CADPS2: variants seen among roughly 807,000 people sequenced by gnomAD.
CADPS2 encodes the protein calcium-dependent secretion activator 2.
Under a neutral mutation model 172.5 loss-of-function variants are expected in CADPS2, and 93 were observed. The observed-to-expected ratio is 0.54, with a 90% CI of 0.46 to 0.64. The LOEUF (loss-of-function observed/expected upper bound fraction) is 0.64, where lower values mean the gene tolerates loss of function less well. Ranked by LOEUF, CADPS2 falls within the 30% of genes least tolerant of loss-of-function variation. CADPS2 has a pLI of 0.00. For missense variants in CADPS2, 1,420 were observed against 1,565.9 expected (o/e 0.91, Z 1.57); for synonymous variants, 546 against 555.2 (o/e 0.98, Z 0.23).
chr7:122,657,385 T>C (rs1470736443), intron 3 of CADPS2, among the ~76,000 whole-genome samples: 1 of 152,204 alleles, frequency 6.6e-6, no homozygotes, highest in African/African-American at 2.4e-5. Flanking sequence ...ATTGAATCTA[T>C]AAATTACCTT....
intron 1 of CADPS2, among the ~76,000 whole-genome samples, chr7:122,851,387 A>G (rs1382125952): frequency 6.6e-6 from 1 of 152,150 alleles, no homozygotes; most frequent in Non-Finnish European, 1.5e-5. Flanking sequence ...CACAGAAACC[A>G]TGGCCTCAGA....
At chr7:122,766,370 C>T (rs1053459936) in intron 1 of CADPS2, among the ~76,000 whole-genome samples, 1 of 152,104 alleles carries the variant, frequency 6.6e-6, no homozygotes, top group Non-Finnish European at 1.5e-5. Flanking sequence ...ACCATAGTCA[C>T]ATAAATGCAA....
intron 17 of CADPS2, among the ~76,000 whole-genome samples, chr7:122,430,141 G>A (rs1381640754): frequency 6.6e-6 from 1 of 151,980 alleles, no homozygotes; most frequent in Non-Finnish European, 1.5e-5. Context: ...GTTAAACCTG[G>A]GAACCTGGCA....
intron 2 of CADPS2, among the ~76,000 whole-genome samples, chr7:122,735,654 C>A (rs2092100149): frequency 6.6e-6 from 1 of 152,164 alleles, no homozygotes; most frequent in African/African-American, 2.4e-5. Context: ...CATCCCCCTG[C>A]TGATCCAATT....
chr7:122,844,382 T>A (rs1459194424), intron 1 of CADPS2, among the ~76,000 whole-genome samples: 1 of 152,212 alleles, frequency 6.6e-6, no homozygotes, highest in Non-Finnish European at 1.5e-5. Flanking sequence ...ATGTTAAAAA[T>A]CAGGATTCTT....
chr7:122,767,013 G>A (rs1374917286), intron 1 of CADPS2, among the ~76,000 whole-genome samples: 4 of 152,148 alleles, frequency 2.6e-5, no homozygotes, highest in Admixed American at 2.6e-4. Flanking sequence ...CACATGTCTA[G>A]CACTTATTAA....
At chr7:122,710,268 A>G (rs1014690716) in intron 2 of CADPS2, among the ~76,000 whole-genome samples, 17 of 151,978 alleles carry the variant, frequency 1.1e-4, no homozygotes, top group Admixed American at 8.5e-4. Flanking sequence ...CGTTTTTCCA[A>G]TTCACAGATC....
intron 14 of CADPS2, among the ~76,000 whole-genome samples, chr7:122,456,422 G>T (rs1256133735): frequency 6.6e-6 from 1 of 151,546 alleles, no homozygotes; most frequent in Non-Finnish European, 1.5e-5. Context: ...TTTTTTCTGG[G>T]GCCTGTAGTT....
intron 25 of CADPS2, among the ~76,000 whole-genome samples, chr7:122,361,658 T>C (rs2040168953): frequency 6.6e-6 from 1 of 152,202 alleles, no homozygotes; most frequent in African/African-American, 2.4e-5. Flanking sequence ...TAAAACATTT[T>C]TCAACTTCAA....
chr7:122,412,199 G>T (rs1236135799), intron 19 of CADPS2, among the ~76,000 whole-genome samples: 1 of 152,090 alleles, frequency 6.6e-6, no homozygotes, highest in Admixed American at 6.6e-5. Flanking sequence ...CCTAAAAAAA[G>T]ATTTATCTCA....
intron 2 of CADPS2, among the ~76,000 whole-genome samples, chr7:122,730,143 G>T (rs1047095009): frequency 1.9e-4 from 29 of 151,628 alleles, no homozygotes; most frequent in Non-Finnish European, 3.0e-4. Flanking sequence ...ATGCCTATAT[G>T]AATCAGTATT....
At chr7:122,572,272 T>A (rs901974705) in intron 7 of CADPS2, among the ~76,000 whole-genome samples, 1 of 152,200 alleles carries the variant, frequency 6.6e-6, no homozygotes, top group African/African-American at 2.4e-5. Context: ...TTTATATTTG[T>A]GGTACAACTT....
chr7:122,515,463 C>T (rs748779495), intron 8 of CADPS2, among the ~76,000 whole-genome samples: 53 of 152,048 alleles, frequency 3.5e-4, no homozygotes, highest in Non-Finnish European at 6.9e-4. Context: ...GCAATGACCT[C>T]GGGAGCTAGA....
chr7:122,592,426 G>A lies in CADPS2; in HGVS notation c.1224-11136C>T, dbSNP rs1209618209. ...TAGTTCAACCATTGTGGAAGACAGT[G>A]TGGCAATTCCTCAGGGATCTAGAAC... On this transcript the variant is annotated intron_variant, in intron 6 of 29. Transcript: ENST00000449022. 3.3e-5 allele frequency among the ~76,000 whole-genome samples: 5 copies of A among 152,202 alleles called. 1 individual carries two copies. In the East Asian group the frequency reaches 7.8e-4, roughly 24 times the overall value.
Position 122,320,114 on chromosome 7 carries a change from A to G in CADPS2, c.*51T>C. 1 of 1,409,086 alleles carries G rather than the reference A, an allele frequency of 7.1e-7. No individual in the cohort carries two copies. Among genetic ancestry groups the G allele is most frequent in the Non-Finnish European group, 9.3e-7 (1 of 1,070,426 alleles). The allele number at this position is 1,409,086 out of a possible 1,614,324, so 87.3% of individuals were successfully genotyped here. A position where few individuals can be genotyped will look rare whatever the true frequency, so the allele number is the denominator to read the frequency against. ...ATTACAAGGACAAGGTTAAAAAAATAAAAAACAATGTCGATCAAGGTCTTC... is the reference window on the plus strand; with the variant it reads ...ATTACAAGGACAAGGTTAAAAAAATGAAAAACAATGTCGATCAAGGTCTTC... On this transcript the variant is annotated 3_prime_UTR_variant, in exon 30 of 30. Coordinates refer to ENST00000449022, the MANE Select transcript of CADPS2 (RefSeq NM_017954.11).
intron 2 of CADPS2, among the ~76,000 whole-genome samples, chr7:122,714,554 AC>A (rs2089302503): frequency 1.3e-5 from 2 of 152,076 alleles, no homozygotes; most frequent in Admixed American, 1.3e-4. Context: ...AAGTGGAGAG[AC>A]GAAGGACCCA....
chr7:122,376,923 G>T (rs2042436276), intron 25 of CADPS2, among the ~76,000 whole-genome samples: 1 of 151,984 alleles, frequency 6.6e-6, no homozygotes, highest in Non-Finnish European at 1.5e-5. Flanking sequence ...CATAATTATG[G>T]AGATTAATTT....
intron 17 of CADPS2, among the ~76,000 whole-genome samples, chr7:122,423,494 T>G (rs1352779822): frequency 1.3e-5 from 2 of 152,176 alleles, no homozygotes; most frequent in East Asian, 3.8e-4. Flanking sequence ...ACTTACTTTT[T>G]CAGTTCTTTA....
At chr7:122,681,588 C>T (rs1447667836) in intron 2 of CADPS2, 11 of 1,490,896 alleles carry the variant, frequency 7.4e-6, no homozygotes, top group African/African-American at 2.8e-5. Flanking sequence ...TCGTGAAGCC[C>T]GCAAGGACCG....
Sources: gnomAD v4.1 joint callset for allele counts (sites outside exome capture counted in the v4.1 genomes callset) on GRCh38, gnomAD v4.1.1 for gene constraint, MANE v1.5 for transcripts, NCBI Gene and HGNC (gene_info 2026-07-23, HGNC 2026-07-21) for gene names.